The following RBP3 variants were observed in gnomAD, a reference collection of about 807,000 sequenced individuals.
RBP3 encodes the protein retinol-binding protein 3.
A neutral mutation model predicts 64.8 loss-of-function variants in RBP3; 50 were observed. The ratio of observed to expected loss-of-function variants is 0.77; its 90% CI spans 0.61 to 0.98. The LOEUF is 0.98. RBP3 is among the 50% of genes least tolerant of loss of function. The probability of loss-of-function intolerance (pLI) is 0.00; values close to 1 mark genes in which losing one functional copy is unlikely to be tolerated. For missense variants in RBP3, 1,712 were observed against 1,660.5 expected (o/e 1.03, Z -0.54); for synonymous variants, 828 against 730.2 (o/e 1.13, Z -2.16).
At position 47,350,809 on chromosome 10, in the gene RBP3, G is replaced by A. The variant is rs371180747; in HGVS notation, c.2325G>A (p.Thr775=). 7 of 1,613,050 alleles carry A rather than the reference G, an allele frequency of 4.3e-6. No individual in the cohort carries two copies. Among genetic ancestry groups the A allele is most frequent in the East Asian group, 2.2e-5 (1 of 44,878 alleles). The change falls in exon 1 of 4, where the codon ACG becomes ACA. Residue 775 remains threonine, a synonymous_variant. Coordinates refer to ENST00000584701, the MANE Select transcript of RBP3 (RefSeq NM_002900.3). ...VRLVWQQLVD[T]AALVIDLRYN... ...TGGTATGGCAACAGCTGGTGGACAC[G>A]GCTGCGCTGGTGATCGACCTGCGCT...
In RBP3 at chr10:47,348,706, G is replaced by A. The variant is rs1555210878; in HGVS notation, c.222G>A (p.Leu74=). ...ACCCGCAGACGCTGGCCAGTGTGCT[G>A]ACAGCCGGGGTGCAGAGCTCCCTGA... ...ISDPQTLASV[L]TAGVQSSLND... The change falls in exon 1 of 4, where the codon CTG becomes CTA. Residue 74 remains leucine, a synonymous_variant. Transcript: ENST00000584701. The A allele has an allele frequency of 1.9e-6, 3 of 1,613,612 alleles. No homozygotes were observed. The highest frequency in any genetic ancestry group is 2.2e-5 in the South Asian group (2 of 91,082).
In RBP3 at chr10:47,349,892, G is replaced by C. The variant is rs1317908589; in HGVS notation, c.1408G>C (p.Asp470His). Residue 470 changes from aspartate to histidine, a missense_variant, in exon 1 of 4, where the codon GAC becomes CAC. Asp to His is a moderately conservative substitution (Grantham distance 81). Coordinates refer to ENST00000584701, the MANE Select transcript of RBP3 (RefSeq NM_002900.3). ...VLRQVWEPLQ[D>H]TEHLIMDLRH... ...GCGCCAGGTGTGGGAGCCGCTACAG[G>C]ACACGGAGCACCTCATCATGGACCT... 1 of 1,613,052 alleles carries C rather than the reference G, an allele frequency of 6.2e-7. No individual in the cohort carries two copies. Among genetic ancestry groups the C allele is most frequent in the Non-Finnish European group, 8.5e-7 (1 of 1,179,990 alleles).
In RBP3 at chr10:47,350,628, C is replaced by T. The variant is rs1836954496; in HGVS notation, c.2144C>T (p.Pro715Leu). 2 of 1,612,758 alleles carry T rather than the reference C, an allele frequency of 1.2e-6. No individual in the cohort carries two copies. The highest frequency in any genetic ancestry group is 8.5e-7 in the Non-Finnish European group (1 of 1,180,036). Residue 715 changes from proline (P) to leucine (L), a missense_variant, in exon 1 of 4, where the codon CCA becomes CTA. Coordinates refer to ENST00000584701, the MANE Select transcript of RBP3 (RefSeq NM_002900.3). ...PGELVVEEAP[P>L]PPPAVPSPEE... The stretch of plus-strand genomic sequence containing the variant: ...GAGCTGGTGGTAGAGGAAGCACCCC[C>T]ACCACCCCCTGCTGTCCCCTCTCCA...
intron 2 of RBP3, 104 bp downstream of exon 2, chr10:47,353,619 G>A: frequency 7.3e-7 from 1 of 1,377,970 alleles, no homozygotes; most frequent in Non-Finnish European, 1.0e-6. Flanking sequence ...CTGTGACACA[G>A]CAGAGGACCT....
chr10:47,353,474 G>A lies in RBP3; in HGVS notation c.3204G>A (p.Trp1068Ter), dbSNP rs1555211795. 1.2e-6 allele frequency: 2 copies of A among 1,614,126 alleles called. No homozygotes were observed. Among genetic ancestry groups the A allele is most frequent in the Non-Finnish European group, 1.7e-6 (2 of 1,180,026 alleles). Reference sequence around the variant, plus strand: ...CCAGGCTGCTGGTGGAGCACATCTGGAAGAAGATCATGCACACGGATGCCA... The same window carrying A: ...CCAGGCTGCTGGTGGAGCACATCTGAAAGAAGATCATGCACACGGATGCCA... ...QVSRLLVEHI[W>*]KKIMHTDAMI... Residue 1068 changes from tryptophan to a stop codon, truncating the protein, a stop_gained, in exon 2 of 4, where the codon TGG becomes TGA. Coordinates refer to ENST00000584701, the MANE Select transcript of RBP3 (RefSeq NM_002900.3). LOFTEE classifies it high-confidence loss of function.
At position 47,353,459 on chromosome 10, in the gene RBP3, G is replaced by A. The variant is rs782123414; in HGVS notation, c.3189G>A (p.Leu1063=). 3.7e-6 allele frequency: 6 copies of A among 1,614,052 alleles called. No individual in the cohort carries two copies. The highest frequency in any genetic ancestry group is 1.7e-5 in the Admixed American group (1 of 60,010). ...GELLTQVSRL[L]VEHIWKKIMH... ...TGCTCACCCAGGTCTCCAGGCTGCT[G>A]GTGGAGCACATCTGGAAGAAGATCA... Residue 1063 remains leucine, a synonymous_variant, in exon 2 of 4, where the codon CTG becomes CTA. Coordinates refer to ENST00000584701, the MANE Select transcript of RBP3 (RefSeq NM_002900.3).
Position 47,348,531 on chromosome 10 carries a change from T to C in RBP3, c.47T>C (p.Leu16Pro). 1.2e-6 allele frequency: 2 copies of C among 1,610,908 alleles called. No homozygotes were observed. The highest frequency in any genetic ancestry group is 1.7e-6 in the Non-Finnish European group (2 of 1,180,006). ...VLLMSVLLCG[L>P]AGPTHLFQPS... Reference sequence around the variant, plus strand: ...CTCATGTCCGTGCTGCTCTGTGGCCTGGCTGGCCCCACACACCTGTTCCAG... The same window carrying C: ...CTCATGTCCGTGCTGCTCTGTGGCCCGGCTGGCCCCACACACCTGTTCCAG... Residue 16 changes from leucine (L) to proline (P), a missense_variant, in exon 1 of 4, where the codon CTG (leucine) becomes CCG (proline). Transcript: ENST00000584701.
rs2132253993 is a variant in RBP3 at position 47,350,094 on chromosome 10, T to C, written c.1610T>C (p.Val537Ala). ...PGPRYSTQRG[V>A]YLLTSHRTAT... ...CCACGCTACAGCACCCAACGTGGGGTGTATCTGCTCACCAGCCACCGCACC... is the reference window on the plus strand; with the variant it reads ...CCACGCTACAGCACCCAACGTGGGGCGTATCTGCTCACCAGCCACCGCACC... Residue 537 changes from valine to alanine, a missense_variant, in exon 1 of 4, where the codon GTG (valine) becomes GCG (alanine). Physicochemically the swap from Val to Ala is moderately conservative, Grantham distance 64. Transcript: ENST00000584701. 1 of 1,612,778 alleles carries C rather than the reference T, an allele frequency of 6.2e-7. No individual in the cohort carries two copies. Among genetic ancestry groups the C allele is most frequent in the Non-Finnish European group, 8.5e-7 (1 of 1,179,936 alleles).
Position 47,351,019 on chromosome 10 carries a change from C to A in RBP3, c.2535C>A (p.Ser845Arg). The A allele has an allele frequency of 3.1e-6, 5 of 1,610,858 alleles. No individual in the cohort carries two copies. Among genetic ancestry groups the A allele is most frequent in the Non-Finnish European group, 4.2e-6 (5 of 1,179,874 alleles). ...GSHKDLYILM[S>R]HTSGSAAEAF... ...ACAAGGACCTCTACATCCTGATGAG[C>A]CACACCAGTGGCTCTGCGGCCGAGG... The change falls in exon 1 of 4, where the codon AGC (serine) becomes AGA (arginine). Residue 845 changes from serine to arginine, a missense_variant. Coordinates refer to ENST00000584701, the MANE Select transcript of RBP3 (RefSeq NM_002900.3).
chr10:47,350,613 T>C lies in RBP3; in HGVS notation c.2129T>C (p.Val710Ala), dbSNP rs141453777. 21 of 1,612,882 alleles carry C rather than the reference T, an allele frequency of 1.3e-5. No homozygotes were observed. The highest frequency in any genetic ancestry group is 4.5e-5 in the East Asian group (2 of 44,888). The change falls in exon 1 of 4, where the codon GTA (valine) becomes GCA (alanine). Residue 710 changes from valine (V) to alanine (A), a missense_variant. Val to Ala is a moderately conservative substitution (Grantham distance 64). Transcript: ENST00000584701. ...TTCCACAGCCCTGGCGAGCTGGTGG[T>C]AGAGGAAGCACCCCCACCACCCCCT... is the stretch of plus-strand genomic sequence containing the variant. ...LVFHSPGELVVEEAPPPPPAV... is the reference protein window; with the variant it reads ...LVFHSPGELVAEEAPPPPPAV...
In RBP3 at chr10:47,349,339, C is replaced by T; in HGVS notation, c.855C>T (p.Ser285=). 2 of 1,612,528 alleles carry T rather than the reference C, an allele frequency of 1.2e-6. No homozygotes were observed. ...TCTTCACGGTGCCCGTGTCCAGGTC[C>T]CTGGGGCCCCTTGGTGGAGGCAGCC... ...DFFFTVPVSR[S]LGPLGGGSQT... The change falls in exon 1 of 4, where the codon TCC becomes TCT. Residue 285 remains serine (S), a synonymous_variant. Coordinates refer to ENST00000584701, the MANE Select transcript of RBP3 (RefSeq NM_002900.3).
intron 1 of RBP3, among the ~76,000 whole-genome samples, chr10:47,352,435 G>C (rs574737121): frequency 1.3e-5 from 2 of 152,338 alleles, no homozygotes; most frequent in African/African-American, 4.8e-5. Flanking sequence ...CCTGTCAGTG[G>C]GGTCGGGTGC....
At chr10:47,353,666 C>T (rs530404745) in intron 2 of RBP3, 151 bp downstream of exon 2, 46 of 835,378 alleles carry the variant, frequency 5.5e-5, no homozygotes, top group East Asian at 4.8e-4. Context: ...AGGGCTTCGG[C>T]CAGCTAGCCC....
chr10:47,352,059 C>T (rs572516806), intron 1 of RBP3, among the ~76,000 whole-genome samples: 1 of 152,380 alleles, frequency 6.6e-6, no homozygotes, highest in Admixed American at 6.5e-5. Context: ...CTGTGGTCTG[C>T]TGCATCGTCA....
rs782361267 is a variant in RBP3 at position 47,349,483 on chromosome 10, C to A, written c.999C>A (p.Leu333=). Residue 333 remains leucine, a synonymous_variant, in exon 1 of 4, where the codon CTC becomes CTA. Coordinates refer to ENST00000584701, the MANE Select transcript of RBP3 (RefSeq NM_002900.3). ...CCCTTCCAGGGGTAGTCCACTGCCT[C>A]CAGGAGGTCCTGAAGGACTACTACA... is the stretch of plus-strand genomic sequence containing the variant. The part of the protein sequence containing the change: ...RSALPGVVHC[L]QEVLKDYYTL... 1.2e-5 allele frequency: 20 copies of A among 1,612,788 alleles called. No homozygotes were observed. The highest frequency in any genetic ancestry group is 1.7e-5 in the Non-Finnish European group (20 of 1,180,032).
intron 2 of RBP3, among the ~76,000 whole-genome samples, chr10:47,354,599 A>G (rs1837022017): frequency 2.0e-5 from 3 of 152,196 alleles, no homozygotes. Flanking sequence ...CACTCATGCT[A>G]AGTCTCTTTC....
chr10:47,355,033 T>C (rs1475980648), intron 2 of RBP3, among the ~76,000 whole-genome samples: 1 of 152,166 alleles, frequency 6.6e-6, no homozygotes, highest in Non-Finnish European at 1.5e-5. Flanking sequence ...AAGATATGGG[T>C]GCAGGGGAGC....
In RBP3 at chr10:47,357,349, A is replaced by C. The variant is rs782655588; in HGVS notation, c.3636A>C (p.Thr1212=). Residue 1212 remains threonine, a synonymous_variant, in exon 4 of 4, where the codon ACA becomes ACC. Transcript: ENST00000584701. ...GCTCCTGGGAAGGGGTGGGGGTGAC[A>C]CCCCATGTGGTTGTCCCTGCAGAAG... ...DGSSWEGVGV[T]PHVVVPAEEA... 1.9e-6 allele frequency: 3 copies of C among 1,614,004 alleles called. No individual in the cohort carries two copies. In the South Asian group the frequency reaches 3.3e-5, roughly 18 times the overall value.
chr10:47,352,949 C>G (rs2234692), intron 1 of RBP3, among the ~76,000 whole-genome samples: 1 of 152,002 alleles, frequency 6.6e-6, no homozygotes, highest in Admixed American at 6.5e-5. Context: ...TGCTTAGTAC[C>G]GGGCCAGGTG....
Sources: gnomAD v4.1 joint callset for allele counts (sites outside exome capture counted in the v4.1 genomes callset) on GRCh38, gnomAD v4.1.1 for gene constraint, MANE v1.5 for transcripts, NCBI Gene and HGNC (gene_info 2026-07-23, HGNC 2026-07-21) for gene names.